ROCK2: variants seen among roughly 807,000 people sequenced by gnomAD.
ROCK2 encodes the protein rho-associated protein kinase 2.
Under a neutral mutation model 195.1 loss-of-function variants are expected in ROCK2, and 61 were observed. The ratio of observed to expected loss-of-function variants is 0.31; its 90% CI spans 0.25 to 0.39. The LOEUF (loss-of-function observed/expected upper bound fraction) is 0.39. Among genes scored for constraint, ROCK2 ranks in the 10% least tolerant of loss-of-function variants. The pLI is 1.00. For missense variants in ROCK2, 1,109 were observed against 1,637.4 expected (o/e 0.68, Z 5.57); for synonymous variants, 504 against 545.5 (o/e 0.92, Z 1.06).
At chr2:11,186,430 T>A (rs773353798) in intron 32 of ROCK2, among the ~76,000 whole-genome samples, 2 of 152,218 alleles carry the variant, frequency 1.3e-5, no homozygotes, top group African/African-American at 2.4e-5. Flanking sequence ...GACTGTAGTG[T>A]ATGACGAGAC....
intron 1 of ROCK2, among the ~76,000 whole-genome samples, chr2:11,300,148 A>G (rs1667660358): frequency 6.6e-6 from 1 of 152,218 alleles, no homozygotes; most frequent in Non-Finnish European, 1.5e-5. Context: ...CTAATTACCA[A>G]CTAGACCATT....
At chr2:11,322,164 G>A (rs980494405) in intron 1 of ROCK2, among the ~76,000 whole-genome samples, 3 of 152,056 alleles carry the variant, frequency 2.0e-5, no homozygotes, top group African/African-American at 7.2e-5. Context: ...CCAGAACTTT[G>A]AGATAATAAA....
upstream of ROCK2, among the ~76,000 whole-genome samples, chr2:11,344,940 C>A (rs1266785857): frequency 3.4e-5 from 2 of 59,324 alleles, no homozygotes; most frequent in African/African-American, 6.9e-5. The surrounding 1 kb of genome is among the most constrained non-coding windows in gnomAD (Gnocchi z 5.4). Flanking sequence ...CTGCCCCTCC[C>A]GCCGGACCCC....
intron 1 of ROCK2, among the ~76,000 whole-genome samples, chr2:11,326,271 G>T (rs2148256066): frequency 6.6e-6 from 1 of 152,098 alleles, no homozygotes; most frequent in African/African-American, 2.4e-5. Flanking sequence ...GGCAGAAGAA[G>T]AGAAGGCAGC....
intron 28 of ROCK2, among the ~76,000 whole-genome samples, chr2:11,194,555 G>A (rs901952608): frequency 3.9e-5 from 6 of 151,922 alleles, no homozygotes; most frequent in African/African-American, 1.4e-4. Context: ...AAACTGTGGG[G>A]AGAAGTAAAG....
At chr2:11,312,179 T>G (rs1033739273) in intron 1 of ROCK2, among the ~76,000 whole-genome samples, 1 of 152,226 alleles carries the variant, frequency 6.6e-6, no homozygotes, top group East Asian at 1.9e-4. Flanking sequence ...TTATTCTCAA[T>G]AAATTAACAA....
At chr2:11,226,606 T>C (rs1664818762) in intron 6 of ROCK2, among the ~76,000 whole-genome samples, 1 of 152,130 alleles carries the variant, frequency 6.6e-6, no homozygotes, top group African/African-American at 2.4e-5. Flanking sequence ...ATAACAAATA[T>C]GATTGATCAA....
At chr2:11,224,285 A>C (rs960167680) in intron 7 of ROCK2, 37 bp downstream of exon 7, 3 of 1,551,320 alleles carry the variant, frequency 1.9e-6, no homozygotes, top group Non-Finnish European at 2.6e-6. Flanking sequence ...AATTTAACAT[A>C]AAGGGCTTCT....
At chr2:11,291,566 T>A (rs1667364713) in intron 1 of ROCK2, among the ~76,000 whole-genome samples, 1 of 151,942 alleles carries the variant, frequency 6.6e-6, no homozygotes, top group Non-Finnish European at 1.5e-5. Context: ...AAAAACTAAT[T>A]GTTGTTAAAC....
rs1662907843 is a variant in ROCK2 at position 11,179,866 on chromosome 2, AAG to A, written c.*3569_*3570del. The A allele has an allele frequency of 1.3e-5, 2 of 152,292 alleles. No homozygotes were observed. Among genetic ancestry groups the A allele is most frequent in the Admixed American group, 6.5e-5 (1 of 15,302 alleles). 9.4% of individuals were successfully genotyped at this position (152,292 alleles called of 1,614,324 possible). ...ATGCAACAAAATTTTAAAAAAGAAA[AAG>A]GGGTGCAATTTTTTTCAGAGAGGAC... On this transcript the variant is annotated 3_prime_UTR_variant, in exon 33 of 33. Coordinates refer to ENST00000315872, the MANE Select transcript of ROCK2 (RefSeq NM_004850.5).
chr2:11,338,837 C>T (rs780209170), intron 1 of ROCK2, among the ~76,000 whole-genome samples: 56 of 151,490 alleles, frequency 3.7e-4, no homozygotes, highest in Non-Finnish European at 5.9e-4. Context: ...ATTAAAGAAG[C>T]CAGACACAGA....
At chr2:11,292,847 G>A (rs1351136485) in intron 1 of ROCK2, among the ~76,000 whole-genome samples, 12 of 152,154 alleles carry the variant, frequency 7.9e-5, no homozygotes, top group Non-Finnish European at 1.8e-4. Flanking sequence ...TTGGTGGGAG[G>A]TGATTGGATC....
At chr2:11,206,713 G>A (rs536736590) in intron 20 of ROCK2, among the ~76,000 whole-genome samples, 1 of 152,362 alleles carries the variant, frequency 6.6e-6, no homozygotes, top group African/African-American at 2.4e-5. Flanking sequence ...AGTAGTAGCT[G>A]TAGTAGTTGT....
chr2:11,297,977 T>A (rs1667587698), intron 1 of ROCK2, among the ~76,000 whole-genome samples: 1 of 152,070 alleles, frequency 6.6e-6, no homozygotes, highest in Non-Finnish European at 1.5e-5. Context: ...GGTGGGGTGG[T>A]GATTAGAAGG....
At chr2:11,328,914 T>C (rs1668629603) in intron 1 of ROCK2, among the ~76,000 whole-genome samples, 1 of 128,616 alleles carries the variant, frequency 7.8e-6, no homozygotes, top group Non-Finnish European at 1.7e-5. Context: ...CTGGGGACTG[T>C]TGTGGGGTGA....
At chr2:11,229,961 CAGTGGTGCTG>C (rs1664945672) in intron 5 of ROCK2, among the ~76,000 whole-genome samples, 1 of 152,096 alleles carries the variant, frequency 6.6e-6, no homozygotes. Context: ...AGAATAAACC[CAGTGGTGCTG>C]GACTTGAATC....
chr2:11,217,394 T>G (rs781359523), intron 11 of ROCK2: 1 of 607,104 alleles, frequency 1.6e-6, no homozygotes, highest in Non-Finnish European at 3.1e-6. Context: ...AACATACTTA[T>G]GTAACCATGC....
intron 17 of ROCK2, among the ~76,000 whole-genome samples, chr2:11,213,808 T>C (rs1176873327): frequency 6.6e-6 from 1 of 152,082 alleles, no homozygotes; most frequent in African/African-American, 2.4e-5. Flanking sequence ...CATACTGTCA[T>C]TAGAATTATC....
At chr2:11,312,997 C>T (rs892552962) in intron 1 of ROCK2, among the ~76,000 whole-genome samples, 1 of 151,940 alleles carries the variant, frequency 6.6e-6, no homozygotes, top group Non-Finnish European at 1.5e-5. Flanking sequence ...AAGTGGAGCA[C>T]GGGGGAGTTT....
Sources: allele counts gnomAD v4.1 joint callset (sites outside exome capture counted in the v4.1 genomes callset), GRCh38; gene constraint gnomAD v4.1.1; non-coding constraint Gnocchi (gnomAD v3.1); transcripts MANE v1.5; gene names NCBI Gene and HGNC (gene_info 2026-07-23, HGNC 2026-07-21).